Variants in SPTBN1 observed in about 807,000 individuals in gnomAD.
SPTBN1 encodes spectrin beta, non-erythrocytic 1.
Under a neutral mutation model 266.4 loss-of-function variants are expected in SPTBN1, and 32 were observed. The ratio of observed to expected loss-of-function variants is 0.12; its 90% confidence interval spans 0.09 to 0.16. The LOEUF (loss-of-function observed/expected upper bound fraction) is 0.16, where lower values mean the gene tolerates loss of function less well. Among genes scored for constraint, SPTBN1 ranks in the 10% least tolerant of loss-of-function variants. The pLI, the probability that SPTBN1 is intolerant of heterozygous loss-of-function variation, is 1.00. For synonymous variants in SPTBN1, 1,336 were observed against 1,162.2 expected, an observed-to-expected ratio of 1.15 and a Z score of -3.04; for missense variants, 2,296 against 3,067.1, an observed-to-expected ratio of 0.75 and a Z score of 5.94.
At chr2:54,530,400 C>A (rs921741155) in intron 2 of SPTBN1, among the ~76,000 whole-genome samples, 19 of 110,006 alleles carry the variant, frequency 1.7e-4, no homozygotes, top group Admixed American at 2.7e-4. Flanking sequence ...GCTCTGTCGT[C>A]CAGGCTGGAG....
At position 54,645,506 on chromosome 2, in the gene SPTBN1, G is replaced by T. The variant is rs911179566; in HGVS notation, c.4494+53G>T. Reference sequence around the variant, plus strand: ...CTTTTCCACGAGCCCCCTTGCCTGTGCTAAAGCCCACATTCTCACTTCTCA... The same window carrying T: ...CTTTTCCACGAGCCCCCTTGCCTGTTCTAAAGCCCACATTCTCACTTCTCA... On this transcript the variant is annotated intron_variant, in intron 21 of 35. Transcript: ENST00000356805. The surrounding 1 kb of genome is among the most constrained non-coding windows in gnomAD (Gnocchi z 4.3). The T allele has an allele frequency of 1.9e-6, 3 of 1,573,646 alleles. No individual in the cohort carries two copies. In the South Asian group the frequency reaches 3.4e-5, roughly 18 times the overall value.
chr2:54,668,073 G>T (rs984199537), intron 35 of SPTBN1, among the ~76,000 whole-genome samples: 3 of 152,298 alleles, frequency 2.0e-5, no homozygotes, highest in African/African-American at 7.2e-5. Flanking sequence ...ACCTTCTAGG[G>T]TGGGATCTGA....
At chr2:54,549,138 A>C (rs889860080) in intron 2 of SPTBN1, among the ~76,000 whole-genome samples, 1 of 152,126 alleles carries the variant, frequency 6.6e-6, no homozygotes. Context: ...AAAAGTACCA[A>C]AATTAGCTGG....
At chr2:54,622,517 A>G (rs1403649751) in intron 9 of SPTBN1, 30 bp downstream of exon 9, 4 of 1,605,768 alleles carry the variant, frequency 2.5e-6, no homozygotes, top group African/African-American at 1.3e-5. Flanking sequence ...GTGATCATTA[A>G]TATGGAAAGA....
chr2:54,659,373 G>A, intron 31 of SPTBN1, 107 bp downstream of exon 31: 1 of 1,062,668 alleles, frequency 9.4e-7, no homozygotes, highest in Non-Finnish European at 1.4e-6. Context: ...CACATGCCCT[G>A]CCTACTGATT....
At chr2:54,500,858 T>G (rs1162982181) in intron 1 of SPTBN1, among the ~76,000 whole-genome samples, 3 of 152,206 alleles carry the variant, frequency 2.0e-5, no homozygotes, top group Admixed American at 2.0e-4. Flanking sequence ...TTTAAAGATC[T>G]TGATGCTCAC....
intron 7 of SPTBN1, among the ~76,000 whole-genome samples, 158 bp from the exon 8 acceptor site, chr2:54,621,242 A>G (rs1677974306): frequency 6.6e-6 from 1 of 152,192 alleles, no homozygotes; most frequent in South Asian, 2.1e-4. Flanking sequence ...AACCCTCATT[A>G]TCCTTGTAAT....
At chr2:54,633,336 C>T (rs1166627964) in intron 17 of SPTBN1, among the ~76,000 whole-genome samples, 1 of 152,170 alleles carries the variant, frequency 6.6e-6, no homozygotes, top group Non-Finnish European at 1.5e-5. Context: ...GGTTATTTTC[C>T]TCTTCTGCCA....
chr2:54,585,950 G>T (rs958892385), intron 2 of SPTBN1, among the ~76,000 whole-genome samples: 4 of 152,204 alleles, frequency 2.6e-5, no homozygotes, highest in African/African-American at 9.7e-5. Context: ...CCTGAATGAA[G>T]AATACTCTGT....
Position 54,624,834 on chromosome 2 carries a change from G to A in SPTBN1, c.1213G>A (p.Glu405Lys). The change falls in exon 11 of 36, where the codon GAA becomes AAA. Residue 405 changes from glutamate (E) to lysine (K), a missense_variant. Glu to Lys is a moderately conservative substitution (Grantham distance 56). Coordinates refer to ENST00000356805, the MANE Select transcript of SPTBN1 (RefSeq NM_003128.3). ...AWERLEKAEH[E>K]RELALRNELI... is the part of the protein sequence containing the mutation. Reference sequence around the variant, plus strand: ...GGAAAGACTGGAAAAAGCGGAACACGAAAGAGAACTGGCTTTGCGGAATGA... The same window carrying A: ...GGAAAGACTGGAAAAAGCGGAACACAAAAGAGAACTGGCTTTGCGGAATGA... The A allele has an allele frequency of 6.2e-7, 1 of 1,614,158 alleles. No individual in the cohort carries two copies. Among genetic ancestry groups the A allele is most frequent in the Non-Finnish European group, 8.5e-7 (1 of 1,180,022 alleles).
intron 5 of SPTBN1, among the ~76,000 whole-genome samples, 161 bp from the exon 6 acceptor site, chr2:54,617,447 G>A (rs1677679883): frequency 6.6e-6 from 1 of 152,198 alleles, no homozygotes; most frequent in Admixed American, 6.5e-5. Flanking sequence ...TGGCAGGCTC[G>A]AGTTGACGGA....
At chr2:54,663,335 G>T (rs758771917) in intron 32 of SPTBN1, 1 of 152,176 alleles carries the variant, frequency 6.6e-6, no homozygotes, top group African/African-American at 2.4e-5. Flanking sequence ...TGTACGAGGG[G>T]TGCAGGTTGT....
chr2:54,532,856 A>C (rs959589930), intron 2 of SPTBN1, among the ~76,000 whole-genome samples: 1 of 152,182 alleles, frequency 6.6e-6, no homozygotes, highest in East Asian at 1.9e-4. Context: ...AGAAAAATGC[A>C]TTTCTGCTTG....
chr2:54,654,163 C>T (rs985709028), intron 27 of SPTBN1, among the ~76,000 whole-genome samples: 1 of 152,188 alleles, frequency 6.6e-6, no homozygotes, highest in Admixed American at 6.5e-5. Flanking sequence ...GGACCTTGGG[C>T]TTCAAGTAGC....
At chr2:54,563,556 C>A (rs1235124062) in intron 2 of SPTBN1, among the ~76,000 whole-genome samples, 1 of 142,078 alleles carries the variant, frequency 7.0e-6, no homozygotes, top group African/African-American at 2.6e-5. Context: ...AAGTGAAGTG[C>A]TGATTTTATA....
intron 2 of SPTBN1, among the ~76,000 whole-genome samples, chr2:54,586,167 C>T (rs561395023): frequency 1.3e-5 from 2 of 152,328 alleles, no homozygotes; most frequent in South Asian, 2.1e-4. Context: ...CCCCACTCCT[C>T]CCCAAACACA....
At chr2:54,527,499 T>TA in intron 2 of SPTBN1, 1 of 152,220 alleles carries the variant, frequency 6.6e-6, no homozygotes, top group East Asian at 1.9e-4. Flanking sequence ...AAAGGAAACC[T>TA]AACCCAGAGT....
chr2:54,598,709 A>G (rs748081315), intron 2 of SPTBN1, among the ~76,000 whole-genome samples: 13 of 152,286 alleles, frequency 8.5e-5, no homozygotes, highest in Non-Finnish European at 1.8e-4. Flanking sequence ...GCAGGACTGC[A>G]AAGGACCCTG....
At chr2:54,580,193 G>T (rs138653180) in intron 2 of SPTBN1, among the ~76,000 whole-genome samples, 2 of 152,176 alleles carry the variant, frequency 1.3e-5, no homozygotes, top group Non-Finnish European at 2.9e-5. Flanking sequence ...CTGTGAAGCT[G>T]TTTCTTTAAA....
Sources: gnomAD v4.1 joint callset for allele counts (sites outside exome capture counted in the v4.1 genomes callset) on GRCh38, gnomAD v4.1.1 for gene constraint, Gnocchi (gnomAD v3.1) non-coding constraint, MANE v1.5 for transcripts, NCBI Gene and HGNC (gene_info 2026-07-23, HGNC 2026-07-21) for gene names.